Variants in KCNK2 observed in about 807,000 individuals in gnomAD.
KCNK2 encodes potassium channel subfamily K member 2.
KCNK2 carries 21 observed loss-of-function variants against 40.5 expected under a neutral mutation model. That is an observed-to-expected ratio of 0.52 (90% confidence interval 0.37 to 0.75). The LOEUF (loss-of-function observed/expected upper bound fraction) is 0.75. KCNK2 is among the 30% of genes least tolerant of loss of function. The probability of loss-of-function intolerance (pLI) is 0.00; values close to 1 mark genes in which losing one functional copy is unlikely to be tolerated. For missense variants in KCNK2, 399 were observed against 531.6 expected (o/e 0.75, Z 2.45); for synonymous variants, 191 against 202.2 (o/e 0.94, Z 0.47).
chr1:215,062,282 A>G (rs2102508498), intron 1 of KCNK2, among the ~76,000 whole-genome samples: 1 of 152,260 alleles, frequency 6.6e-6, no homozygotes, highest in Admixed American at 6.5e-5. Context: ...AATGCTGGGC[A>G]GCAAACAAAG....
Position 215,169,187 on chromosome 1 carries a change from A to AT in KCNK2, c.476-5dup, listed in dbSNP as rs978950724. 1.3e-6 allele frequency: 2 copies of AT among 1,583,730 alleles called. No homozygotes were observed. On this transcript the variant is annotated splice_polypyrimidine_tract_variant and intron_variant, in intron 3 of 6. Coordinates refer to ENST00000444842, the MANE Select transcript of KCNK2 (RefSeq NM_001017425.3). ...CTATTATTCATTTGTAAACAATGTAATTTTTTTAAAGGATTTGGAAACATC... is the reference window on the plus strand; with the variant it reads ...CTATTATTCATTTGTAAACAATGTAATTTTTTTTAAAGGATTTGGAAACATC...
At chr1:215,021,801 G>T (rs1413582169) in intron 1 of KCNK2, among the ~76,000 whole-genome samples, 4 of 152,020 alleles carry the variant, frequency 2.6e-5, no homozygotes, top group African/African-American at 9.7e-5. Flanking sequence ...GCCCGCCTCG[G>T]CCTCCCACGC....
intron 3 of KCNK2, among the ~76,000 whole-genome samples, chr1:215,166,452 C>A (rs1330418072): frequency 6.6e-6 from 1 of 152,150 alleles, no homozygotes; most frequent in Non-Finnish European, 1.5e-5. Flanking sequence ...AACCACTAAT[C>A]CTAACTTTTT....
Position 215,147,895 on chromosome 1 carries a change from T to A in KCNK2, c.476-21304T>A, listed in dbSNP as rs561750368. ...GTGATTGTCATTTCACTCTGATTTC[T>A]AAAAGGTTTGCTCTTTTTAGGTTGC... On this transcript the variant is annotated intron_variant, in intron 3 of 6. Transcript: ENST00000444842. Among the ~76,000 whole-genome samples the A allele has an allele frequency of 5.5e-4, 84 of 152,234 alleles. No individual in the cohort carries two copies. The South Asian group carries it at 0.017, about 32-fold the overall frequency.
chr1:215,175,611 A>C (rs542373048), intron 5 of KCNK2, among the ~76,000 whole-genome samples: 1 of 152,072 alleles, frequency 6.6e-6, no homozygotes, highest in Non-Finnish European at 1.5e-5. Flanking sequence ...TACCAAGCTT[A>C]GTACCCAATA....
intron 3 of KCNK2, among the ~76,000 whole-genome samples, chr1:215,131,971 T>A (rs2102590385): frequency 6.6e-6 from 1 of 152,298 alleles, no homozygotes; most frequent in Non-Finnish European, 1.5e-5. Flanking sequence ...CAAACTTGTA[T>A]TTTTCCAGTT....
At chr1:215,230,521 A>ATG (rs1666602450) in intron 6 of KCNK2, among the ~76,000 whole-genome samples, 1 of 92,548 alleles carries the variant, frequency 1.1e-5, no homozygotes, top group African/African-American at 4.8e-5. Context: ...ATATATATAT[A>ATG]TATATATATA....
chr1:215,088,592 C>T (rs61818302), intron 2 of KCNK2, among the ~76,000 whole-genome samples: 2 of 148,190 alleles, frequency 1.3e-5, no homozygotes, highest in Non-Finnish European at 3.0e-5. Context: ...AAAAAAAAAC[C>T]ATGACCAGCG....
At chr1:215,234,712 A>C in intron 6 of KCNK2, 116 bp from the exon 7 acceptor site, 1 of 958,136 alleles carries the variant, frequency 1.0e-6, no homozygotes, top group East Asian at 2.4e-5. Context: ...AGTGCTGTAA[A>C]AGACTACTCC....
chr1:215,166,119 T>G (rs1396458404), intron 3 of KCNK2, among the ~76,000 whole-genome samples: 1 of 152,150 alleles, frequency 6.6e-6, no homozygotes, highest in East Asian at 1.9e-4. Flanking sequence ...TATGTAAACA[T>G]GCAGTTACCT....
chr1:215,008,939 A>T (rs556492686), intron 1 of KCNK2, among the ~76,000 whole-genome samples: 20 of 152,136 alleles, frequency 1.3e-4, no homozygotes, highest in Middle Eastern at 6.8e-3. Context: ...AATCAATTTG[A>T]TTTGTCATTC....
chr1:215,190,403 T>C (rs139890050), intron 5 of KCNK2, among the ~76,000 whole-genome samples: 106 of 152,138 alleles, frequency 7.0e-4, no homozygotes, highest in Admixed American at 1.7e-3. Flanking sequence ...AATAGGTTGG[T>C]GGATAAATGA....
chr1:215,022,540 C>T (rs1053666388), intron 1 of KCNK2, among the ~76,000 whole-genome samples: 1 of 152,046 alleles, frequency 6.6e-6, no homozygotes, highest in Admixed American at 6.6e-5. Flanking sequence ...TGGCTGAATA[C>T]CTTATGGAAC....
chr1:215,216,754 GCT>G (rs1665979403), intron 6 of KCNK2, among the ~76,000 whole-genome samples: 1 of 151,998 alleles, frequency 6.6e-6, no homozygotes, highest in Admixed American at 6.6e-5. Context: ...GCTATTTTAT[GCT>G]CTTTTTTAAT....
At chr1:215,175,357 ATTTATTT>A (rs1020450251) in intron 5 of KCNK2, among the ~76,000 whole-genome samples, 2 of 151,990 alleles carry the variant, frequency 1.3e-5, no homozygotes, top group African/African-American at 4.8e-5. Flanking sequence ...GGAGTTAAAT[ATTTATTT>A]TTATTTAATG....
chr1:215,010,851 ATTTTTT>A lies in KCNK2; in HGVS notation c.34+4909_34+4914del, dbSNP rs66945279. ...AGGATTGTCTGCTCACAGGACACAG[ATTTTTT>A]TTTTTTTTTTTTGTGTGTGTGTGTG... On this transcript the variant is annotated intron_variant, in intron 1 of 6. Coordinates refer to the KCNK2 transcript ENST00000391895. Among the ~76,000 whole-genome samples the A allele has an allele frequency of 7.8e-3, 974 of 125,464 alleles. 11 individuals are homozygous for A. The highest frequency in any genetic ancestry group is 0.03 in the South Asian group (121 of 4,072). 82.3% of individuals were successfully genotyped at this position (125,464 alleles called of 152,430 possible).
intron 6 of KCNK2, among the ~76,000 whole-genome samples, chr1:215,203,879 A>G (rs1042247032): frequency 6.6e-6 from 1 of 151,870 alleles, no homozygotes; most frequent in Non-Finnish European, 1.5e-5. Flanking sequence ...TCTACTAAAA[A>G]CACAAAAAAT....
chr1:215,220,569 G>T (rs1022996176), intron 6 of KCNK2, among the ~76,000 whole-genome samples: 2 of 152,140 alleles, frequency 1.3e-5, no homozygotes, highest in African/African-American at 2.4e-5. Flanking sequence ...CAACTGCACG[G>T]ATGGCTAACT....
chr1:215,018,428 G>T (rs1656667388), intron 1 of KCNK2, among the ~76,000 whole-genome samples: 1 of 152,116 alleles, frequency 6.6e-6, no homozygotes, highest in South Asian at 2.1e-4. Flanking sequence ...AATTTTAAAA[G>T]GCCACTATTA....
Sources: gnomAD v4.1 joint callset for allele counts (sites outside exome capture counted in the v4.1 genomes callset) on GRCh38, gnomAD v4.1.1 for gene constraint, MANE v1.5 for transcripts, NCBI Gene and HGNC (gene_info 2026-07-23, HGNC 2026-07-21) for gene names.